SOX5: variants seen among roughly 807,000 people sequenced by gnomAD.
SOX5 encodes SRY-box transcription factor 5, also known as transcription factor SOX-5.
In SOX5, 9 loss-of-function variants were observed where a neutral mutation model predicts 92.0. The ratio of observed to expected loss-of-function variants is 0.10; its 90% CI spans 0.06 to 0.17. The LOEUF (loss-of-function observed/expected upper bound fraction) is 0.17. Among genes scored for constraint, SOX5 ranks in the 10% least tolerant of loss-of-function variants. The probability of loss-of-function intolerance (pLI) is 1.00; values close to 1 mark genes in which losing one functional copy is unlikely to be tolerated. For missense variants in SOX5, 642 were observed against 944.5 expected (o/e 0.68, Z 4.20); for synonymous variants, 344 against 336.3 (o/e 1.02, Z -0.25).
In SOX5 at chr12:24,095,090, A is replaced by AAC. The variant is rs150030739; in HGVS notation, c.-2+118251_-2+118252dup. On this transcript the variant is annotated intron_variant, in intron 4 of 4. Coordinates refer to the SOX5 transcript ENST00000446891. ...ACTTTCTTATAATTTCTAGCCCCGA[A>AAC]ACACACACACACACACACACACACA... Among the ~76,000 whole-genome samples the AAC allele has an allele frequency of 4.5e-3, 587 of 131,612 alleles. 3 individuals carry two copies. The highest frequency in any genetic ancestry group is 0.015 in the African/African-American group (516 of 33,694). 86.3% of individuals were successfully genotyped at this position (131,612 alleles called of 152,430 possible). A position where few individuals can be genotyped will look rare whatever the true frequency, so the allele number is the denominator to read the frequency against.
chr12:23,666,937 C>A (rs560157874), intron 6 of SOX5, among the ~76,000 whole-genome samples: 2 of 152,156 alleles, frequency 1.3e-5, no homozygotes, highest in Admixed American at 1.3e-4. Context: ...TCTTACGATT[C>A]TTACAGTTCT....
At chr12:23,652,158 G>A (rs1422280353) in intron 7 of SOX5, among the ~76,000 whole-genome samples, 2 of 151,874 alleles carry the variant, frequency 1.3e-5, no homozygotes, top group Non-Finnish European at 2.9e-5. Context: ...ATTTACTAAT[G>A]ACCTCTGAAT....
chr12:24,496,739 G>A lies in SOX5; in HGVS notation c.-251+65590C>T, dbSNP rs760844379. On this transcript the variant is annotated intron_variant, in intron 1 of 4. Transcript: ENST00000446891. ...GTGTTTTCCAATCCAAGATTTCAGC[G>A]TATTAATGAGAATAAAAGAGCACCC... Among the ~76,000 whole-genome samples, 4 of 152,176 alleles carry A rather than the reference G, an allele frequency of 2.6e-5. 1 individual carries two copies. The highest frequency in any genetic ancestry group is 2.1e-4 in the South Asian group (1 of 4,828).
At chr12:23,801,699 C>G (rs1198651591) in intron 3 of SOX5, among the ~76,000 whole-genome samples, 1 of 152,066 alleles carries the variant, frequency 6.6e-6, no homozygotes, top group Non-Finnish European at 1.5e-5. Flanking sequence ...TTTAATTTTT[C>G]AGTTAAGTAC....
chr12:24,406,316 G>C (rs1962940125), intron 1 of SOX5, among the ~76,000 whole-genome samples: 2 of 152,246 alleles, frequency 1.3e-5, no homozygotes, highest in Admixed American at 1.3e-4. Flanking sequence ...CAAGTCAGAA[G>C]AATTGAAGCT....
intron 2 of SOX5, among the ~76,000 whole-genome samples, chr12:24,317,602 A>G (rs1324368842): frequency 6.6e-6 from 1 of 152,092 alleles, no homozygotes; most frequent in Admixed American, 6.5e-5. Context: ...CACTTCCAAA[A>G]TCTCAACTCC....
intron 2 of SOX5, among the ~76,000 whole-genome samples, chr12:24,339,674 T>C (rs967815918): frequency 5.9e-5 from 9 of 152,190 alleles, no homozygotes; most frequent in Admixed American, 2.6e-4. Flanking sequence ...ACTACATCAG[T>C]ATAGCCAAAA....
At chr12:24,547,776 T>C (rs1452139541) in intron 1 of SOX5, among the ~76,000 whole-genome samples, 1 of 152,214 alleles carries the variant, frequency 6.6e-6, no homozygotes, top group Non-Finnish European at 1.5e-5. Flanking sequence ...TCACTATACT[T>C]ATCCCAATAA....
intron 1 of SOX5, among the ~76,000 whole-genome samples, chr12:24,508,704 G>A (rs1949031604): frequency 6.6e-6 from 1 of 152,154 alleles, no homozygotes; most frequent in African/African-American, 2.4e-5. Flanking sequence ...CTAGCATGGT[G>A]TGGGGCTATA....
intron 4 of SOX5, among the ~76,000 whole-genome samples, chr12:24,085,753 A>G (rs1402684410): frequency 6.6e-6 from 1 of 151,976 alleles, no homozygotes; most frequent in Non-Finnish European, 1.5e-5. Context: ...AAAGTTCTTC[A>G]TTTTGGAAAG....
intron 7 of SOX5, among the ~76,000 whole-genome samples, chr12:23,649,855 A>G (rs539559801): frequency 6.6e-6 from 1 of 152,256 alleles, no homozygotes; most frequent in Non-Finnish European, 1.5e-5. Context: ...AAGATTATTT[A>G]GGATGAAGGA....
chr12:24,396,752 T>C (rs1960112290), intron 1 of SOX5, among the ~76,000 whole-genome samples: 1 of 152,218 alleles, frequency 6.6e-6, no homozygotes, highest in South Asian at 2.1e-4. Context: ...GTGTGTAGAG[T>C]AGGCCTAAAT....
intron 6 of SOX5, among the ~76,000 whole-genome samples, chr12:23,680,362 C>G (rs1261871616): frequency 2.9e-5 from 3 of 102,312 alleles, no homozygotes; most frequent in African/African-American, 1.1e-4. Flanking sequence ...AATATAATAA[C>G]AGAAATTTAA....
intron 3 of SOX5, among the ~76,000 whole-genome samples, chr12:23,819,120 G>C (rs1006310656): frequency 2.0e-5 from 3 of 152,158 alleles, no homozygotes; most frequent in African/African-American, 7.2e-5. Flanking sequence ...ATTATGTACT[G>C]TACATAACTG....
intron 6 of SOX5, among the ~76,000 whole-genome samples, chr12:23,688,869 C>T (rs1035901182): frequency 5.9e-5 from 9 of 152,178 alleles, no homozygotes; most frequent in East Asian, 3.9e-4. Context: ...AAAGTGTAGG[C>T]GTGTTCAATA....
At chr12:24,384,459 C>T (rs752064396) in intron 1 of SOX5, among the ~76,000 whole-genome samples, 1 of 152,086 alleles carries the variant, frequency 6.6e-6, no homozygotes, top group Non-Finnish European at 1.5e-5. Context: ...GCATAAGAAT[C>T]ATAGTGATGC....
At chr12:24,345,971 C>G (rs1022109387) in intron 2 of SOX5, among the ~76,000 whole-genome samples, 1 of 152,152 alleles carries the variant, frequency 6.6e-6, no homozygotes, top group Non-Finnish European at 1.5e-5. Context: ...AACAAGGGAG[C>G]CCAGGTTCCA....
intron 3 of SOX5, among the ~76,000 whole-genome samples, chr12:24,235,204 A>AT (rs1232159402): frequency 2.0e-5 from 3 of 152,168 alleles, no homozygotes; most frequent in Non-Finnish European, 4.4e-5. Flanking sequence ...TCAGGCATTC[A>AT]TATAGCCTAT....
chr12:24,288,497 T>C (rs1361666306), intron 2 of SOX5, among the ~76,000 whole-genome samples: 1 of 152,192 alleles, frequency 6.6e-6, no homozygotes, highest in Non-Finnish European at 1.5e-5. Context: ...TGTTTGACAA[T>C]GCATTGAACA....
Sources: allele counts gnomAD v4.1 joint callset (sites outside exome capture counted in the v4.1 genomes callset), GRCh38; gene constraint gnomAD v4.1.1; transcripts MANE v1.5; gene names NCBI Gene and HGNC (gene_info 2026-07-23, HGNC 2026-07-21).